NDRG1: variants seen among roughly 807,000 people sequenced by gnomAD.
NDRG1 encodes the protein protein NDRG1.
NDRG1 carries 32 observed loss-of-function variants against 56.9 expected under a neutral mutation model. The ratio of observed to expected loss-of-function variants is 0.56; its 90% CI spans 0.42 to 0.76. The LOEUF (loss-of-function observed/expected upper bound fraction) is 0.76. NDRG1 is among the 30% of genes least tolerant of loss of function. The pLI is 0.00. For missense variants in NDRG1, 507 were observed against 545.7 expected (o/e 0.93, Z 0.71); for synonymous variants, 211 against 204.1 (o/e 1.03, Z -0.29).
At chr8:133,256,533 CT>C (rs1375762343) in intron 8 of NDRG1, among the ~76,000 whole-genome samples, 1 of 152,212 alleles carries the variant, frequency 6.6e-6, no homozygotes, top group African/African-American at 2.4e-5. Context: ...CCTCAGGGAC[CT>C]GTGTCCCAGT....
chr8:133,271,716 G>A (rs1170166760), intron 3 of NDRG1, among the ~76,000 whole-genome samples: 1 of 127,448 alleles, frequency 7.8e-6, no homozygotes, highest in African/African-American at 3.0e-5. Context: ...GGAGGTCACA[G>A]TTGCAGTGAG....
intron 9 of NDRG1, among the ~76,000 whole-genome samples, chr8:133,251,344 T>C (rs998380027): frequency 1.3e-5 from 2 of 152,214 alleles, no homozygotes; most frequent in Non-Finnish European, 2.9e-5. Flanking sequence ...GGTGTCAAGC[T>C]TGAGCTGCAT....
intron 15 of NDRG1, 189 bp from the exon 16 acceptor site, chr8:133,239,308 T>C (rs1056643448): frequency 1.5e-5 from 14 of 940,070 alleles, no homozygotes; most frequent in East Asian, 2.6e-5. Context: ...AAGGCCCAGA[T>C]GCGGGAAGGA....
chr8:133,261,791 G>A (rs1856671102), intron 5 of NDRG1, among the ~76,000 whole-genome samples: 1 of 152,174 alleles, frequency 6.6e-6, no homozygotes, highest in South Asian at 2.1e-4. Context: ...AGATGAAAAA[G>A]TCCTGGAGAT....
At position 133,256,769 on chromosome 8, in the gene NDRG1, C is replaced by A. The variant is rs537844639; in HGVS notation, c.537+8G>T. Reference sequence around the variant, plus strand: ...GGATCCCGCCGGCCTGACAGGCCCCCACCTCACCTTGGAGGCGGCCCAGTC... The same window carrying A: ...GGATCCCGCCGGCCTGACAGGCCCCAACCTCACCTTGGAGGCGGCCCAGTC... On this transcript the variant is annotated splice_region_variant and intron_variant, in intron 8 of 15. Coordinates refer to ENST00000323851, the MANE Select transcript of NDRG1 (RefSeq NM_006096.4). 47 of 1,614,060 alleles carry A rather than the reference C, an allele frequency of 2.9e-5. No individual in the cohort carries two copies. In the South Asian group the frequency reaches 4.8e-4, roughly 17 times the overall value.
At chr8:133,258,006 T>C (rs2130723600) in intron 7 of NDRG1, among the ~76,000 whole-genome samples, 1 of 152,298 alleles carries the variant, frequency 6.6e-6, no homozygotes, top group East Asian at 1.9e-4. Flanking sequence ...CCGTGTCTGA[T>C]TCTAGTTTAG....
intron 8 of NDRG1, chr8:133,254,850 A>G (rs1488671382): frequency 2.3e-5 from 12 of 532,752 alleles, no homozygotes; most frequent in African/African-American, 7.6e-5. Context: ...TGCACAGCAA[A>G]TAAGTGCTGA....
intron 3 of NDRG1, among the ~76,000 whole-genome samples, chr8:133,277,592 A>C (rs1391500479): frequency 6.6e-6 from 1 of 152,182 alleles, no homozygotes; most frequent in Non-Finnish European, 1.5e-5. Context: ...AAATAAATAC[A>C]GTTCTGAAAA....
chr8:133,258,409 C>T lies in NDRG1; in HGVS notation c.407G>A (p.Gly136Asp), dbSNP rs1856492094. ...LQQFGLKSII[G>D]MGTGAGAYIL... ...GTAGGCGCCTGCTCCTGTTCCCATG[C>T]CAATAATGCTTTTCAGCCTGGAAGC... The change falls in exon 7 of 16, where the codon GGC (glycine) becomes GAC (aspartate). Residue 136 changes from glycine (G) to aspartate (D), a missense_variant. Transcript: ENST00000323851. The T allele has an allele frequency of 1.2e-6, 2 of 1,611,762 alleles. No homozygotes were observed. The highest frequency in any genetic ancestry group is 1.7e-6 in the Non-Finnish European group (2 of 1,179,010).
At chr8:133,250,959 A>G (rs1855991020) in intron 9 of NDRG1, among the ~76,000 whole-genome samples, 1 of 151,468 alleles carries the variant, frequency 6.6e-6, no homozygotes, top group Non-Finnish European at 1.5e-5. Context: ...CTACTTCACT[A>G]GGTTGTAGGA....
In NDRG1 at chr8:133,254,606, G is replaced by C; in HGVS notation, c.538-11C>G. 6.2e-7 allele frequency: 1 copy of C among 1,613,760 alleles called. No individual in the cohort carries two copies. The highest frequency in any genetic ancestry group is 8.5e-7 in the Non-Finnish European group (1 of 1,179,838). ...GGTCCATCCTGAGATCTGGAAAGGA[G>C]TAAAGTGGGTGGATGAGAAACCAGG... On this transcript the variant is annotated splice_polypyrimidine_tract_variant and intron_variant, in intron 8 of 15. Transcript: ENST00000323851.
rs1856818029 is a variant in NDRG1 at position 133,264,549 on chromosome 8, T to C, written c.203A>G (p.Asn68Ser). 1.2e-6 allele frequency: 2 copies of C among 1,613,918 alleles called. No homozygotes were observed. The highest frequency in any genetic ancestry group is 1.7e-6 in the Non-Finnish European group (2 of 1,179,898). ...AATCAGAGCTCCTCAGAACTTACGGTTCATGCCGATGTCATGGTAGGTGAG... is the reference window on the plus strand; with the variant it reads ...AATCAGAGCTCCTCAGAACTTACGGCTCATGCCGATGTCATGGTAGGTGAG... ...VILTYHDIGMNHKTCYNPLFN... is the reference protein window; with the variant it reads ...VILTYHDIGMSHKTCYNPLFN... Residue 68 changes from asparagine to serine, a missense_variant and splice_region_variant, in exon 4 of 16, where the codon AAC (asparagine) becomes AGC (serine). Asn to Ser is a conservative substitution (Grantham distance 46, BLOSUM62 1). Transcript: ENST00000323851.
intron 5 of NDRG1, among the ~76,000 whole-genome samples, chr8:133,261,347 G>T (rs1018692423): frequency 6.6e-6 from 1 of 152,128 alleles, no homozygotes; most frequent in African/African-American, 2.4e-5. Context: ...GGCCAGGCTG[G>T]TCTCAAACTC....
intron 2 of NDRG1, 121 bp from the exon 3 acceptor site, chr8:133,280,388 C>A: frequency 1.2e-6 from 1 of 862,354 alleles, no homozygotes; most frequent in Non-Finnish European, 1.9e-6. Context: ...TTTGTGGGGT[C>A]TCCTTAATTC....
chr8:133,275,309 T>C (rs565487812), intron 3 of NDRG1, among the ~76,000 whole-genome samples: 2 of 152,252 alleles, frequency 1.3e-5, no homozygotes, highest in Non-Finnish European at 2.9e-5. Context: ...GATTTTCTTT[T>C]GGTAACAACC....
chr8:133,259,317 T>G (rs571297026), intron 5 of NDRG1, 87 bp from the exon 6 acceptor site: 3 of 1,352,360 alleles, frequency 2.2e-6, no homozygotes, highest in Non-Finnish European at 1.1e-6. Flanking sequence ...GTGGGGACCA[T>G]GCAGCAGCCT....
At chr8:133,276,400 A>G (rs1857457809) in intron 3 of NDRG1, among the ~76,000 whole-genome samples, 1 of 152,226 alleles carries the variant, frequency 6.6e-6, no homozygotes, top group South Asian at 2.1e-4. Flanking sequence ...AGATTTTAAA[A>G]TCCAAAATAA....
At chr8:133,262,307 GT>G in intron 4 of NDRG1, 140 bp from the exon 5 acceptor site, 2 of 1,116,638 alleles carry the variant, frequency 1.8e-6, no homozygotes, top group South Asian at 2.9e-5. Flanking sequence ...AGATGTTGGC[GT>G]TTTTTGTTTT....
intron 2 of NDRG1, among the ~76,000 whole-genome samples, chr8:133,281,519 T>C (rs764308284): frequency 2.6e-4 from 39 of 152,118 alleles, no homozygotes; most frequent in Non-Finnish European, 4.7e-4. Context: ...CTGGCCAACA[T>C]TTCTAAGAGA....
Sources: gnomAD v4.1 joint callset for allele counts (sites outside exome capture counted in the v4.1 genomes callset) on GRCh38, gnomAD v4.1.1 for gene constraint, MANE v1.5 for transcripts, NCBI Gene and HGNC (gene_info 2026-07-23, HGNC 2026-07-21) for gene names.